The following PTBP3 variants were observed in gnomAD, a reference collection of about 807,000 sequenced individuals.
PTBP3 encodes polypyrimidine tract-binding protein 3.
In PTBP3, 20 loss-of-function variants were observed where a neutral mutation model predicts 58.7. That is an observed-to-expected ratio of 0.34 (90% CI 0.24 to 0.50). The LOEUF is 0.50. Among genes scored for constraint, PTBP3 ranks in the 20% least tolerant of loss-of-function variants. The pLI, the probability that PTBP3 is intolerant of heterozygous loss-of-function variation, is 0.98. For missense variants in PTBP3, 509 were observed against 637.2 expected (o/e 0.80, Z 2.17); for synonymous variants, 185 against 219.8 (o/e 0.84, Z 1.40).
chr9:112,311,885 G>A (rs1049578173), intron 1 of PTBP3, among the ~76,000 whole-genome samples: 10 of 152,124 alleles, frequency 6.6e-5, no homozygotes, highest in Admixed American at 6.5e-5. Context: ...GACGTTGGAG[G>A]CTGCAGTGCT....
chr9:112,378,566 A>G, the PTBP3 span, among the ~76,000 whole-genome samples: 1 of 152,254 alleles, frequency 6.6e-6, no homozygotes, highest in Non-Finnish European at 1.5e-5. Context: ...TTCGACAGAT[A>G]TATACACGCT....
Position 112,223,815 on chromosome 9 carries a change from TATG to T in PTBP3, c.*33_*35del. 1 of 1,613,094 alleles carries T rather than the reference TATG, an allele frequency of 6.2e-7. No homozygotes were observed. Among genetic ancestry groups the T allele is most frequent in the Non-Finnish European group, 8.5e-7 (1 of 1,179,546 alleles). ...CTATGTCTGAAGGTTTTACTGAAAT[TATG>T]GTCCAGTTTTAGGAGAAAAATTCAC... is the stretch of plus-strand genomic sequence containing the variant. On this transcript the variant is annotated 3_prime_UTR_variant, in exon 14 of 14. Transcript: ENST00000374257.
At chr9:112,229,715 T>C (rs189566241) in intron 10 of PTBP3, among the ~76,000 whole-genome samples, 41 of 152,300 alleles carry the variant, frequency 2.7e-4, no homozygotes, top group African/African-American at 9.1e-4. Context: ...ACTAAACATA[T>C]ACCATTTGTT....
chr9:112,358,201 C>A, the PTBP3 span, among the ~76,000 whole-genome samples: 2 of 151,846 alleles, frequency 1.3e-5, no homozygotes, highest in African/African-American at 2.4e-5. Context: ...TCCCAACTAC[C>A]CAGGAGGCTG....
chr9:112,267,358 G>A (rs934013722), intron 4 of PTBP3, among the ~76,000 whole-genome samples: 2 of 151,940 alleles, frequency 1.3e-5, no homozygotes, highest in Non-Finnish European at 2.9e-5. Flanking sequence ...TAGTACAGAC[G>A]GGGTTTCACT....
chr9:112,335,642 G>C (rs1407090294), upstream of PTBP3, among the ~76,000 whole-genome samples: 1 of 135,678 alleles, frequency 7.4e-6, no homozygotes. Context: ...CTGGATTATA[G>C]CTGGGCATGG....
the PTBP3 span, among the ~76,000 whole-genome samples, chr9:112,349,586 C>T: frequency 6.6e-6 from 1 of 151,976 alleles, no homozygotes; most frequent in African/African-American, 2.4e-5. Flanking sequence ...TTACCAGGCG[C>T]GGTGGCTCAC....
intron 9 of PTBP3, 149 bp downstream of exon 9, chr9:112,231,950 A>AAG (rs772071336): frequency 5.6e-4 from 236 of 424,520 alleles, no homozygotes; most frequent in East Asian, 9.6e-4. Context: ...AAGAGAAGAG[A>AAG]AGAGAAGAGA....
At chr9:112,300,294 T>C (rs1003159192) in intron 1 of PTBP3, among the ~76,000 whole-genome samples, 1 of 152,200 alleles carries the variant, frequency 6.6e-6, no homozygotes, top group Non-Finnish European at 1.5e-5. Context: ...CCTAGACATA[T>C]AAGATTGTCT....
At chr9:112,322,265 C>CA (rs1336088463) in intron 1 of PTBP3, among the ~76,000 whole-genome samples, 1 of 151,660 alleles carries the variant, frequency 6.6e-6, no homozygotes, top group Non-Finnish European at 1.5e-5. Context: ...CTGATGTTTT[C>CA]AAAAAACTTT....
At position 112,223,256 on chromosome 9, in the gene PTBP3, A is replaced by T. The variant is rs996347958; in HGVS notation, c.*595T>A. Reference sequence around the variant, plus strand: ...AGGAGTGTCTTACAGTGAAAAAAAGAAATCATTCAAAGAAAACATGCAGGT... The same window carrying T: ...AGGAGTGTCTTACAGTGAAAAAAAGTAATCATTCAAAGAAAACATGCAGGT... On this transcript the variant is annotated 3_prime_UTR_variant, in exon 14 of 14. Coordinates refer to ENST00000374257, the MANE Select transcript of PTBP3 (RefSeq NM_001163788.4). 1.4e-4 allele frequency: 129 copies of T among 942,284 alleles called. No individual in the cohort carries two copies. Among genetic ancestry groups the T allele is most frequent in the Non-Finnish European group, 1.6e-4 (127 of 790,460 alleles). The allele number at this position is 942,284 out of a possible 1,614,324, so 58.4% of individuals were successfully genotyped here.
intron 7 of PTBP3, among the ~76,000 whole-genome samples, chr9:112,241,828 C>T (rs1416738535): frequency 6.6e-6 from 1 of 152,220 alleles, no homozygotes; most frequent in African/African-American, 2.4e-5. Context: ...ACCTTGTCCT[C>T]AGGCAACCAC....
chr9:112,222,264 A>G lies in PTBP3; in HGVS notation c.*1587T>C. On this transcript the variant is annotated 3_prime_UTR_variant, in exon 14 of 14. Coordinates refer to ENST00000374257, the MANE Select transcript of PTBP3 (RefSeq NM_001163788.4). ...GCAAAGTTTCTTATTAAAAAGAAAC[A>G]ATTTTACATTATACAATCACTGAAG... The G allele has an allele frequency of 3.1e-6, 3 of 972,774 alleles. No individual in the cohort carries two copies. Among genetic ancestry groups the G allele is most frequent in the Non-Finnish European group, 3.7e-6 (3 of 817,986 alleles). 60.3% of individuals were successfully genotyped at this position (972,774 alleles called of 1,614,324 possible).
intron 2 of PTBP3, among the ~76,000 whole-genome samples, chr9:112,294,003 A>T (rs994946837): frequency 5.9e-5 from 9 of 152,204 alleles, no homozygotes; most frequent in African/African-American, 2.2e-4. Flanking sequence ...TGAATATAGC[A>T]TATCAAAATA....
intron 12 of PTBP3, among the ~76,000 whole-genome samples, chr9:112,225,853 C>A (rs1234382733): frequency 6.6e-6 from 1 of 152,000 alleles, no homozygotes; most frequent in Non-Finnish European, 1.5e-5. Context: ...TAGAGATCTG[C>A]CTGGGCAAAT....
the PTBP3 span, among the ~76,000 whole-genome samples, chr9:112,379,531 G>A: frequency 6.6e-6 from 1 of 152,244 alleles, no homozygotes; most frequent in African/African-American, 2.4e-5. Flanking sequence ...CTTAACACAA[G>A]CTATCTACCG....
Position 112,220,084 on chromosome 9 carries a change from T to G in PTBP3, c.*3767A>C, listed in dbSNP as rs1234947838. 8 of 1,200,750 alleles carry G rather than the reference T, an allele frequency of 6.7e-6. No homozygotes were observed. The highest frequency in any genetic ancestry group is 8.5e-6 in the Non-Finnish European group (8 of 945,096). The allele number at this position is 1,200,750 out of a possible 1,614,324, so 74.4% of individuals were successfully genotyped here. On this transcript the variant is annotated 3_prime_UTR_variant, in exon 14 of 14. Coordinates refer to ENST00000374257, the MANE Select transcript of PTBP3 (RefSeq NM_001163788.4). ...AAGGCTAAGAAAAATGCTTTACGCA[T>G]CGTCACGCTGTCTCTTTTTGGTTTT...
At chr9:112,330,029 T>A (rs113018024) in intron 1 of PTBP3, among the ~76,000 whole-genome samples, 6,950 of 151,994 alleles carry the variant, frequency 0.046, 386 homozygotes, top group African/African-American at 0.14. Flanking sequence ...TATTTTTATT[T>A]TTAATAGAGA....
chr9:112,268,717 A>G (rs1191360380), intron 3 of PTBP3, among the ~76,000 whole-genome samples: 1 of 150,700 alleles, frequency 6.6e-6, no homozygotes, highest in Non-Finnish European at 1.5e-5. Context: ...CGTCTCAAAA[A>G]AAAAAAAAAA....
Sources: gnomAD v4.1 joint callset for allele counts (sites outside exome capture counted in the v4.1 genomes callset) on GRCh38, gnomAD v4.1.1 for gene constraint, MANE v1.5 for transcripts, NCBI Gene and HGNC (gene_info 2026-07-23, HGNC 2026-07-21) for gene names.